Variants in ZEB1 observed in about 807,000 individuals in gnomAD.
ZEB1 encodes the protein zinc finger E-box binding homeobox 1, also known as zinc finger E-box-binding homeobox 1.
Under a neutral mutation model 84.9 loss-of-function variants are expected in ZEB1, and 21 were observed. That is an observed-to-expected ratio of 0.25 (90% CI 0.18 to 0.36). ZEB1 has a LOEUF of 0.36. ZEB1 is among the 10% of genes least tolerant of loss of function. The pLI, the probability that ZEB1 is intolerant of heterozygous loss-of-function variation, is 1.00. For missense variants in ZEB1, 1,104 were observed against 1,330.2 expected (o/e 0.83, Z 2.65); for synonymous variants, 420 against 471.1 (o/e 0.89, Z 1.41).
chr10:31,387,384 A>G (rs764839214), intron 1 of ZEB1: 2 of 835,372 alleles, frequency 2.4e-6, no homozygotes, highest in Non-Finnish European at 2.9e-6. Flanking sequence ...GGGAGGCCCT[A>G]CCTGTGGGTA....
chr10:31,365,015 A>G lies in ZEB1; in HGVS notation c.58+45723A>G, dbSNP rs1011677725. 3.8e-4 allele frequency among the ~76,000 whole-genome samples: 58 copies of G among 152,188 alleles called. 1 individual carries two copies. Among genetic ancestry groups the G allele is most frequent in the African/African-American group, 1.4e-3 (56 of 41,440 alleles). On this transcript the variant is annotated intron_variant, in intron 1 of 8. Coordinates refer to ENST00000424869, the MANE Select transcript of ZEB1 (RefSeq NM_001174096.2). ...CAGCACCATCCCACATTGCTCTTCT[A>G]ATGGAGCCTTTCACCCCAGATGTTC...
chr10:31,413,302 G>A (rs1432059016), intron 1 of ZEB1, among the ~76,000 whole-genome samples: 2 of 152,200 alleles, frequency 1.3e-5, no homozygotes, highest in African/African-American at 4.8e-5. Context: ...GGCTTCTTAG[G>A]TAATAAGCCC....
intron 2 of ZEB1, among the ~76,000 whole-genome samples, chr10:31,483,784 G>A (rs2065367486): frequency 6.6e-6 from 1 of 151,944 alleles, no homozygotes; most frequent in African/African-American, 2.4e-5. Flanking sequence ...TTGGTTTTCT[G>A]TTGCTGCCAT....
chr10:31,505,644 T>C (rs549198456), intron 4 of ZEB1, among the ~76,000 whole-genome samples: 1 of 152,120 alleles, frequency 6.6e-6, no homozygotes, highest in African/African-American at 2.4e-5. Flanking sequence ...ATCTTCTCTG[T>C]TCTTTTCTTA....
At chr10:31,423,150 G>T (rs530383117) in intron 1 of ZEB1, among the ~76,000 whole-genome samples, 1 of 152,056 alleles carries the variant, frequency 6.6e-6, no homozygotes, top group African/African-American at 2.4e-5. Flanking sequence ...TGTAAAATTA[G>T]AAGTGCTTCA....
At chr10:31,375,275 C>G (rs2046431385) in intron 1 of ZEB1, among the ~76,000 whole-genome samples, 1 of 151,766 alleles carries the variant, frequency 6.6e-6, no homozygotes, top group South Asian at 2.1e-4. Flanking sequence ...TCCAGGCAGT[C>G]CCCCTTGTCA....
At chr10:31,489,125 TTTGC>T (rs887750611) in intron 2 of ZEB1, among the ~76,000 whole-genome samples, 5 of 151,430 alleles carry the variant, frequency 3.3e-5, no homozygotes, top group Admixed American at 2.6e-4. Context: ...TCATTTTTGC[TTTGC>T]TTATTTTAAA....
At chr10:31,325,076 C>T (rs1381318668) in intron 1 of ZEB1, among the ~76,000 whole-genome samples, 1 of 151,898 alleles carries the variant, frequency 6.6e-6, no homozygotes, top group Non-Finnish European at 1.5e-5. Flanking sequence ...GGATTTTAGC[C>T]TTGATGGAGG....
chr10:31,380,935 C>CT (rs2047518855), intron 1 of ZEB1, among the ~76,000 whole-genome samples: 1 of 152,036 alleles, frequency 6.6e-6, no homozygotes. Context: ...AGTTGGAGAC[C>CT]TTTTGCCAGT....
chr10:31,463,562 C>T (rs1048089472), intron 2 of ZEB1, among the ~76,000 whole-genome samples: 2 of 152,152 alleles, frequency 1.3e-5, no homozygotes, highest in Non-Finnish European at 2.9e-5. Flanking sequence ...GATTATGTCT[C>T]GACTGTGAGG....
At chr10:31,345,531 C>T (rs549261379) in intron 1 of ZEB1, among the ~76,000 whole-genome samples, 6 of 152,074 alleles carry the variant, frequency 3.9e-5, no homozygotes, top group Non-Finnish European at 8.8e-5. Flanking sequence ...CCATAAAGAG[C>T]TAAAGACAAA....
chr10:31,382,835 A>G (rs1291475249), intron 1 of ZEB1, among the ~76,000 whole-genome samples: 1 of 152,120 alleles, frequency 6.6e-6, no homozygotes, highest in African/African-American at 2.4e-5. Flanking sequence ...AGATATCAAG[A>G]TTATAATACA....
intron 1 of ZEB1, among the ~76,000 whole-genome samples, chr10:31,326,127 T>C (rs1382082412): frequency 6.6e-6 from 1 of 152,094 alleles, no homozygotes. Context: ...AAATTTAGGG[T>C]CTTTAAGTAG....
At chr10:31,461,347 G>C in intron 2 of ZEB1, 110 bp downstream of exon 2, 1 of 1,224,886 alleles carries the variant, frequency 8.2e-7, no homozygotes, top group Non-Finnish European at 1.2e-6. Context: ...TAGTAAATTT[G>C]GCTATCAATA....
chr10:31,411,674 A>ATTTATAGCAC (rs1409359893), intron 1 of ZEB1, among the ~76,000 whole-genome samples: 9 of 150,662 alleles, frequency 6.0e-5, no homozygotes, highest in Non-Finnish European at 1.3e-4. Context: ...TAGGAGAGAA[A>ATTTATAGCAC]TTTATAGCAC....
intron 3 of ZEB1, among the ~76,000 whole-genome samples, chr10:31,497,719 T>C (rs2067449649): frequency 6.6e-6 from 1 of 152,154 alleles, no homozygotes; most frequent in South Asian, 2.1e-4. Context: ...TCAGATCTTT[T>C]TTATAGCAGA....
intron 1 of ZEB1, among the ~76,000 whole-genome samples, chr10:31,346,635 C>T (rs552393934): frequency 6.6e-6 from 1 of 151,814 alleles, no homozygotes; most frequent in South Asian, 2.1e-4. Context: ...AAGTCAAGAG[C>T]AGACCACTTG....
At chr10:31,376,331 A>G (rs1190293443) in intron 1 of ZEB1, among the ~76,000 whole-genome samples, 2 of 151,772 alleles carry the variant, frequency 1.3e-5, no homozygotes, top group Non-Finnish European at 3.0e-5. Flanking sequence ...TCCTCATGAA[A>G]TGAGGTTGTT....
At chr10:31,388,689 G>A (rs979924185) in intron 1 of ZEB1, among the ~76,000 whole-genome samples, 14 of 151,924 alleles carry the variant, frequency 9.2e-5, no homozygotes, top group Admixed American at 6.6e-4. Context: ...AAGAAATATA[G>A]ATTATTGGGT....
Sources: gnomAD v4.1 joint callset for allele counts (sites outside exome capture counted in the v4.1 genomes callset) on GRCh38, gnomAD v4.1.1 for gene constraint, MANE v1.5 for transcripts, NCBI Gene and HGNC (gene_info 2026-07-23, HGNC 2026-07-21) for gene names.